The following PLD5 variants were observed in gnomAD, a reference collection of about 807,000 sequenced individuals.
The protein encoded by PLD5 is inactive phospholipase D5.
A neutral mutation model predicts 61.1 loss-of-function variants in PLD5; 36 were observed. The observed-to-expected ratio is 0.59, with a 90% CI of 0.45 to 0.78. The LOEUF (loss-of-function observed/expected upper bound fraction) is 0.78. PLD5 is among the 30% of genes least tolerant of loss of function. PLD5 has a pLI of 0.00. For missense variants in PLD5, 515 were observed against 644.4 expected (o/e 0.80, Z 2.17); for synonymous variants, 243 against 242.8 (o/e 1.00, Z -0.01).
chr1:242,275,051 A>C (rs1345834450), intron 3 of PLD5, among the ~76,000 whole-genome samples: 6 of 151,552 alleles, frequency 4.0e-5, no homozygotes, highest in Non-Finnish European at 8.8e-5. Context: ...TCCTACTTAC[A>C]CACATATATA....
intron 1 of PLD5, among the ~76,000 whole-genome samples, chr1:242,522,361 C>G (rs569298050): frequency 7.2e-5 from 11 of 152,284 alleles, no homozygotes; most frequent in Admixed American, 1.3e-4. Flanking sequence ...CATACTCATG[C>G]AGAAAGGTGA....
At chr1:242,444,586 T>G (rs1666421649) in intron 1 of PLD5, among the ~76,000 whole-genome samples, 1 of 132,640 alleles carries the variant, frequency 7.5e-6, no homozygotes, top group Non-Finnish European at 1.7e-5. Context: ...CATCTTCTCC[T>G]CAGGAACATA....
chr1:242,195,775 C>G (rs1354955477), intron 5 of PLD5, among the ~76,000 whole-genome samples: 1 of 152,144 alleles, frequency 6.6e-6, no homozygotes, highest in Non-Finnish European at 1.5e-5. Context: ...AAGAAAAATG[C>G]CTCTGAGATC....
At chr1:242,290,481 G>C (rs1675293341) in intron 2 of PLD5, among the ~76,000 whole-genome samples, 1 of 152,128 alleles carries the variant, frequency 6.6e-6, no homozygotes, top group Non-Finnish European at 1.5e-5. Flanking sequence ...AGGGACCACA[G>C]TGCAGAGGCT....
At chr1:242,395,814 C>A (rs1303198023) in intron 1 of PLD5, among the ~76,000 whole-genome samples, 1 of 152,124 alleles carries the variant, frequency 6.6e-6, no homozygotes, top group Non-Finnish European at 1.5e-5. Flanking sequence ...CTCTGGGAGG[C>A]CAAGGCAGGT....
intron 1 of PLD5, among the ~76,000 whole-genome samples, chr1:242,367,261 TAA>T (rs1429633463): frequency 1.3e-5 from 2 of 152,154 alleles, no homozygotes; most frequent in Admixed American, 6.6e-5. Context: ...ACCAAGGAGA[TAA>T]GAGTCCTCAG....
chr1:242,204,428 C>T (rs564677227), intron 5 of PLD5, among the ~76,000 whole-genome samples: 17 of 152,218 alleles, frequency 1.1e-4, no homozygotes, highest in African/African-American at 3.1e-4. Flanking sequence ...GCCCCTTGAC[C>T]GGGACAGTAA....
intron 1 of PLD5, among the ~76,000 whole-genome samples, chr1:242,403,633 T>A (rs1305373110): frequency 6.6e-6 from 1 of 151,692 alleles, no homozygotes; most frequent in African/African-American, 2.4e-5. Flanking sequence ...CCTGGGTAAT[T>A]TTTTGTATTT....
At chr1:242,311,597 G>A (rs1251701623) in intron 2 of PLD5, among the ~76,000 whole-genome samples, 1 of 152,188 alleles carries the variant, frequency 6.6e-6, no homozygotes, top group African/African-American at 2.4e-5. Flanking sequence ...GGAAATACAT[G>A]ATAATGTTAT....
chr1:242,290,820 C>G (rs1324086807), intron 2 of PLD5, among the ~76,000 whole-genome samples: 1 of 150,932 alleles, frequency 6.6e-6, no homozygotes, highest in Non-Finnish European at 1.5e-5. Context: ...CTGTATAACC[C>G]CCTCCAGTGG....
At chr1:242,522,965 A>G (rs1198403185) in intron 1 of PLD5, among the ~76,000 whole-genome samples, 2 of 152,182 alleles carry the variant, frequency 1.3e-5, no homozygotes, top group Admixed American at 6.5e-5. Context: ...GATTATTATA[A>G]TAGAGAAATG....
At chr1:242,324,269 G>A (rs1658608813) in intron 2 of PLD5, among the ~76,000 whole-genome samples, 1 of 152,186 alleles carries the variant, frequency 6.6e-6, no homozygotes, top group Admixed American at 6.5e-5. Context: ...CCTCATGTGA[G>A]TAAAAAGCAA....
At chr1:242,419,164 G>T (rs1572110205) in intron 1 of PLD5, among the ~76,000 whole-genome samples, 1 of 152,334 alleles carries the variant, frequency 6.6e-6, no homozygotes, top group East Asian at 1.9e-4. Context: ...CTCCAGGCGG[G>T]TGTGGCTCAT....
In PLD5 at chr1:242,107,779, T is replaced by C. The variant is rs1291442777; in HGVS notation, c.1131A>G (p.Arg377=). The C allele has an allele frequency of 1.2e-6, 2 of 1,612,424 alleles. 1 individual carries two copies. Among genetic ancestry groups the C allele is most frequent in the South Asian group, 2.2e-5 (2 of 90,520 alleles). ...TCCAGAAGCTTAAAAGGAGTCGAAC[T>C]CTAACGCTTCGTAAAACTAATGCTT... is the stretch of plus-strand genomic sequence containing the variant. ...IREALVLRSV[R]VRLLLSFWKE... Residue 377 remains arginine, a synonymous_variant, in exon 8 of 10, where the codon AGA becomes AGG. Transcript: ENST00000536534.
intron 2 of PLD5, among the ~76,000 whole-genome samples, chr1:242,302,578 G>A (rs1401376292): frequency 1.3e-5 from 2 of 152,182 alleles, no homozygotes; most frequent in African/African-American, 4.8e-5. Flanking sequence ...CATTAGCCAG[G>A]TATGGTAGCA....
chr1:242,115,677 GT>G (rs1558236827), intron 6 of PLD5, among the ~76,000 whole-genome samples: 14 of 135,240 alleles, frequency 1.0e-4, no homozygotes, highest in Middle Eastern at 3.8e-3. Flanking sequence ...AAATCTTGGA[GT>G]TTTTTTCTTT....
intron 1 of PLD5, among the ~76,000 whole-genome samples, chr1:242,494,071 C>CTCCCT (rs1297348825): frequency 2.7e-4 from 9 of 33,386 alleles, no homozygotes; most frequent in African/African-American, 8.5e-4. Context: ...CTTCCCTCCA[C>CTCCCT]TCCCCTCCCC....
At chr1:242,130,543 T>C (rs1246906715) in intron 5 of PLD5, among the ~76,000 whole-genome samples, 1 of 152,240 alleles carries the variant, frequency 6.6e-6, no homozygotes, top group Non-Finnish European at 1.5e-5. Context: ...CCATAGAGGT[T>C]GTATTAACTT....
intron 1 of PLD5, among the ~76,000 whole-genome samples, chr1:242,431,789 G>A (rs898992825): frequency 6.6e-6 from 1 of 152,210 alleles, no homozygotes; most frequent in Non-Finnish European, 1.5e-5. Flanking sequence ...TAGAAAACCA[G>A]ATGTCCTAAG....
Sources: gnomAD v4.1 joint callset for allele counts (sites outside exome capture counted in the v4.1 genomes callset) on GRCh38, gnomAD v4.1.1 for gene constraint, MANE v1.5 for transcripts, NCBI Gene and HGNC (gene_info 2026-07-23, HGNC 2026-07-21) for gene names.